MYO9B: variants seen among roughly 807,000 people sequenced by gnomAD.
MYO9B encodes the protein myosin IXB.
Under a neutral mutation model 229.5 loss-of-function variants are expected in MYO9B, and 71 were observed. The ratio of observed to expected loss-of-function variants is 0.31; its 90% confidence interval spans 0.26 to 0.38. MYO9B has a LOEUF of 0.38. Ranked by LOEUF, MYO9B falls within the 10% of genes least tolerant of loss-of-function variation. MYO9B has a pLI of 1.00. For missense variants in MYO9B, 2,255 were observed against 2,920.5 expected, an observed-to-expected ratio of 0.77 and a Z score of 5.25; for synonymous variants, 1,185 against 1,235.8, an observed-to-expected ratio of 0.96 and a Z score of 0.86.
intron 29 of MYO9B, 119 bp from the exon 30 acceptor site, chr19:17,203,028 T>C (rs1296852985): frequency 2.2e-6 from 3 of 1,356,988 alleles, no homozygotes; most frequent in Middle Eastern, 1.8e-4. Context: ...TCCCCCGGCA[T>C]ATACGGAGCC....
chr19:17,133,804 A>G (rs1009791041), intron 2 of MYO9B, among the ~76,000 whole-genome samples: 2 of 151,852 alleles, frequency 1.3e-5, no homozygotes, highest in Non-Finnish European at 2.9e-5. Flanking sequence ...TCTGTCACCC[A>G]GGCTGGAGTG....
chr19:17,196,886 TGGAA>T (rs1334555558), intron 22 of MYO9B, among the ~76,000 whole-genome samples: 2 of 150,336 alleles, frequency 1.3e-5, no homozygotes, highest in African/African-American at 4.9e-5. Flanking sequence ...GATGGAGAGA[TGGAA>T]GGAACATAGA....
intron 14 of MYO9B, among the ~76,000 whole-genome samples, chr19:17,179,977 G>A (rs2072838380): frequency 6.6e-6 from 1 of 151,796 alleles, no homozygotes; most frequent in Non-Finnish European, 1.5e-5. Flanking sequence ...GCTCACACCT[G>A]TAATCCCAGC....
chr19:17,172,610 T>A lies in MYO9B; in HGVS notation c.1935+133T>A. The A allele has an allele frequency of 2.1e-6, 3 of 1,451,756 alleles. No homozygotes were observed. The highest frequency in any genetic ancestry group is 2.8e-6 in the Non-Finnish European group (3 of 1,066,176). The allele number at this position is 1,451,756 out of a possible 1,614,324, so 89.9% of individuals were successfully genotyped here. The stretch of plus-strand genomic sequence containing the variant: ...ACCCACCGCGAATCCCCGGCTCCAA[T>A]GTCCAAGGCGCCATAGTTCAAGAAC... On this transcript the variant is annotated intron_variant, in intron 12 of 39. Coordinates refer to ENST00000682292, the MANE Select transcript of MYO9B (RefSeq NM_004145.4). The surrounding 1 kb of genome is among the most constrained non-coding windows in gnomAD (Gnocchi z 8.2).
At chr19:17,097,795 G>A (rs1224993191) in intron 1 of MYO9B, among the ~76,000 whole-genome samples, 1 of 152,158 alleles carries the variant, frequency 6.6e-6, no homozygotes, top group Non-Finnish European at 1.5e-5. Flanking sequence ...TAGGGCAGAG[G>A]TCAGCAAACC....
chr19:17,141,782 A>G (rs1254943947), intron 2 of MYO9B, among the ~76,000 whole-genome samples: 2 of 152,168 alleles, frequency 1.3e-5, no homozygotes, highest in African/African-American at 4.8e-5. Context: ...GGTTACATGG[A>G]AGGCCCCAGA....
intron 2 of MYO9B, among the ~76,000 whole-genome samples, chr19:17,144,101 A>G (rs1415540007): frequency 6.6e-6 from 1 of 152,086 alleles, no homozygotes. Context: ...CTGTGGTCGC[A>G]GCTACTTGGG....
At chr19:17,186,478 G>C (rs1322114789) in intron 18 of MYO9B, among the ~76,000 whole-genome samples, 1 of 152,148 alleles carries the variant, frequency 6.6e-6, no homozygotes, top group African/African-American at 2.4e-5. Context: ...ACAGCTCGGG[G>C]ACTTTGCCAG....
intron 10 of MYO9B, among the ~76,000 whole-genome samples, chr19:17,164,945 G>A (rs1180789260): frequency 6.6e-6 from 1 of 152,126 alleles, no homozygotes; most frequent in African/African-American, 2.4e-5. Context: ...CCTTACTGCA[G>A]CCTCAAACGC....
At chr19:17,078,069 G>T (rs1367048431) in intron 1 of MYO9B, among the ~76,000 whole-genome samples, 1 of 152,112 alleles carries the variant, frequency 6.6e-6, no homozygotes, top group African/African-American at 2.4e-5. Flanking sequence ...TTGTTAACTT[G>T]CTGCTTCCCA....
chr19:17,212,293 G>A lies in MYO9B; in HGVS notation c.6457G>A (p.Gly2153Ser), dbSNP rs1157691434. 1.3e-6 allele frequency: 2 copies of A among 1,516,868 alleles called. No individual in the cohort carries two copies. The highest frequency in any genetic ancestry group is 2.4e-5 in the East Asian group (1 of 42,294). The allele number at this position is 1,516,868 out of a possible 1,614,324, so 94.0% of individuals were successfully genotyped here. ...PPTYCLPPASGQTNG is the reference protein window; with the variant it reads ...PPTYCLPPASSQTNG ...AACGTACTGCCTGCCCCCCGCCTCG[G>A]GCCAGACCAATGGCTGAGAGCCACA... The change falls in exon 40 of 40, where the codon GGC (glycine) becomes AGC (serine). Residue 2153 changes from glycine (G) to serine (S), a missense_variant. Gly to Ser is a moderately conservative substitution (Grantham distance 56). Coordinates refer to ENST00000682292, the MANE Select transcript of MYO9B (RefSeq NM_004145.4). This position sits in a 1 kb window ranked among gnomAD's most constrained non-coding sequence, Gnocchi z 5.4.
Position 17,210,798 on chromosome 19 carries a change from C to A in MYO9B, c.5880C>A (p.Asp1960Glu). 6.3e-7 allele frequency: 1 copy of A among 1,594,412 alleles called. No individual in the cohort carries two copies. The highest frequency in any genetic ancestry group is 8.5e-7 in the Non-Finnish European group (1 of 1,171,100). Residue 1960 changes from aspartate (D) to glutamate (E), a missense_variant, in exon 38 of 40, where the codon GAC becomes GAA. Asp to Glu is a conservative substitution (Grantham distance 45). Around this residue, in one of 7 missense-constraint regions of MYO9B, gnomAD observed 331 missense variants for 332.5 expected, o/e 1.00. Coordinates refer to ENST00000682292, the MANE Select transcript of MYO9B (RefSeq NM_004145.4). ...LEEEAAGGDE[D>E]REKEILIERI... is the part of the protein sequence containing the mutation. ...AGGAGGCAGCCGGCGGCGATGAGGA[C>A]CGGGAAAAGGAGATTCTCATTGAAC... is the stretch of plus-strand genomic sequence containing the variant.
Position 17,102,072 on chromosome 19 carries a change from A to G in MYO9B, c.355A>G (p.Lys119Glu). ...GGAGCGCAACGCAGATGGAACCATC[A>G]AGTACGTGCATATGCAGCTGGTGGC... Reference protein sequence around the residue: ...LQERNADGTIKYVHMQLVAQA... With the variant: ...LQERNADGTIEYVHMQLVAQA... Residue 119 changes from lysine to glutamate, a missense_variant, in exon 2 of 40, where the codon AAG becomes GAG. Coordinates refer to ENST00000682292, the MANE Select transcript of MYO9B (RefSeq NM_004145.4). 1 of 1,612,802 alleles carries G rather than the reference A, an allele frequency of 6.2e-7. No homozygotes were observed. The highest frequency in any genetic ancestry group is 8.5e-7 in the Non-Finnish European group (1 of 1,179,892).
Position 17,212,175 on chromosome 19 carries a change from G to T in MYO9B, c.6339G>T (p.Thr2113=). ...ACCAGATACATTCCGTGTACATCAC[G>T]CCCGGGGCAGACCTGCCAGTGCAGG... The part of the protein sequence containing the change: ...RPDQIHSVYI[T]PGADLPVQGA... The change falls in exon 40 of 40, where the codon ACG becomes ACT. Residue 2113 remains threonine, a synonymous_variant. Transcript: ENST00000682292. This position sits in a 1 kb window ranked among gnomAD's most constrained non-coding sequence, Gnocchi z 5.4. 4 of 1,579,864 alleles carry T rather than the reference G, an allele frequency of 2.5e-6. No homozygotes were observed. The highest frequency in any genetic ancestry group is 2.6e-6 in the Non-Finnish European group (3 of 1,164,454).
At chr19:17,099,354 A>G (rs62127865) in intron 1 of MYO9B, 21,167 of 151,884 alleles carry the variant, frequency 0.14, 1,782 homozygotes, top group Non-Finnish European at 0.2. Context: ...CAGAATAGTT[A>G]TTGGGGACTG....
chr19:17,208,592 C>T (rs965009292), intron 35 of MYO9B, among the ~76,000 whole-genome samples: 7 of 151,910 alleles, frequency 4.6e-5, no homozygotes, highest in African/African-American at 1.7e-4. Flanking sequence ...CCACCACGCC[C>T]GGCTAATTTT....
chr19:17,167,634 C>T (rs2145338176), intron 10 of MYO9B, among the ~76,000 whole-genome samples: 1 of 151,978 alleles, frequency 6.6e-6, no homozygotes, highest in Non-Finnish European at 1.5e-5. Context: ...CTTGTGCAAC[C>T]ACGCCTGGCT....
At chr19:17,161,935 C>T (rs557725291) in intron 8 of MYO9B, among the ~76,000 whole-genome samples, 104 of 148,586 alleles carry the variant, frequency 7.0e-4, no homozygotes, top group Non-Finnish European at 1.1e-3. Context: ...TTGCAGTGAG[C>T]CAAGATTGCG....
chr19:17,200,706 G>T lies in MYO9B; in HGVS notation c.4440G>T (p.Gly1480=). 1 of 1,614,064 alleles carries T rather than the reference G, an allele frequency of 6.2e-7. No homozygotes were observed. The highest frequency in any genetic ancestry group is 8.5e-7 in the Non-Finnish European group (1 of 1,179,902). The part of the protein sequence containing the change: ...EKRTKEPGGK[G]KKNRNVKIGK... The stretch of plus-strand genomic sequence containing the variant: ...GCACCAAGGAACCAGGAGGCAAAGG[G>T]AAGAAGAACCGAAATGTCAAGATTG... The change falls in exon 26 of 40, where the codon GGG becomes GGT. Residue 1480 remains glycine, a synonymous_variant. Transcript: ENST00000682292.
Sources: allele counts gnomAD v4.1 joint callset (sites outside exome capture counted in the v4.1 genomes callset), GRCh38; gene constraint gnomAD v4.1.1; regional missense constraint gnomAD v4.1.1; non-coding constraint Gnocchi (gnomAD v3.1); transcripts MANE v1.5; gene names NCBI Gene and HGNC (gene_info 2026-07-23, HGNC 2026-07-21).